The following RGPD8 variants were observed in gnomAD, a reference collection of about 807,000 sequenced individuals.
The protein encoded by RGPD8 is RANBP2-like and GRIP domain-containing protein 8.
Under a neutral mutation model 89.1 loss-of-function variants are expected in RGPD8, and 15 were observed. That is an observed-to-expected ratio of 0.17 (90% CI 0.11 to 0.26). The LOEUF (loss-of-function observed/expected upper bound fraction) is 0.26. Ranked by LOEUF, RGPD8 falls within the 10% of genes least tolerant of loss-of-function variation. RGPD8 has a pLI of 1.00. For synonymous variants in RGPD8, 62 were observed against 420.9 expected, an observed-to-expected ratio of 0.15 and a Z score of 10.44; for missense variants, 178 against 1,179.6, an observed-to-expected ratio of 0.15 and a Z score of 12.44.
At chr2:112,370,589 T>C (rs1477376667) in intron 22 of RGPD8, among the ~76,000 whole-genome samples, 2 of 135,674 alleles carry the variant, frequency 1.5e-5, no homozygotes, top group Non-Finnish European at 3.2e-5. Flanking sequence ...TCCAGGCTGG[T>C]CTCAAATTCC....
intron 1 of RGPD8, among the ~76,000 whole-genome samples, chr2:112,432,075 A>G (rs893371191): frequency 2.0e-5 from 3 of 152,208 alleles, no homozygotes; most frequent in African/African-American, 4.8e-5. Flanking sequence ...CTATGGATGA[A>G]AAGTGTAAGT....
At chr2:112,424,832 C>G (rs1386342999) in intron 1 of RGPD8, among the ~76,000 whole-genome samples, 3 of 150,290 alleles carry the variant, frequency 2.0e-5, no homozygotes, top group African/African-American at 7.3e-5. Flanking sequence ...TTTCAGAGAC[C>G]AAGGTGGGAG....
At chr2:112,410,903 T>C (rs1281596214) in intron 7 of RGPD8, among the ~76,000 whole-genome samples, 3 of 152,294 alleles carry the variant, frequency 2.0e-5, no homozygotes, top group Non-Finnish European at 4.4e-5. Context: ...CTGACCAACA[T>C]GGAGAAACCT....
At chr2:112,410,898 C>T (rs1442446963) in intron 7 of RGPD8, among the ~76,000 whole-genome samples, 1 of 152,298 alleles carries the variant, frequency 6.6e-6, no homozygotes, top group African/African-American at 2.4e-5. Flanking sequence ...CCAGCCTGAC[C>T]AACATGGAGA....
At chr2:112,430,486 C>A (rs563216090) in intron 1 of RGPD8, among the ~76,000 whole-genome samples, 9 of 152,168 alleles carry the variant, frequency 5.9e-5, no homozygotes, top group Middle Eastern at 6.8e-3. Context: ...GAGAGGTGGT[C>A]ATAATAACCA....
chr2:112,414,463 G>A (rs1268941077), intron 6 of RGPD8, among the ~76,000 whole-genome samples: 1 of 103,542 alleles, frequency 9.7e-6, no homozygotes, highest in Non-Finnish European at 1.9e-5. Flanking sequence ...GGCAACAAGA[G>A]CAAAACTCCG....
intron 7 of RGPD8, among the ~76,000 whole-genome samples, chr2:112,409,026 A>G (rs1402157753): frequency 2.9e-5 from 4 of 138,270 alleles, no homozygotes; most frequent in African/African-American, 1.1e-4. Flanking sequence ...ACCTAGCTGC[A>G]ATGCAGATGC....
chr2:112,382,065 A>G (rs998240877), intron 20 of RGPD8, among the ~76,000 whole-genome samples: 1 of 151,680 alleles, frequency 6.6e-6, no homozygotes, highest in Non-Finnish European at 1.5e-5. Flanking sequence ...TAAAGCAGGC[A>G]GAAAAACCTG....
At chr2:112,409,847 C>T (rs1262700383) in intron 7 of RGPD8, among the ~76,000 whole-genome samples, 1 of 136,262 alleles carries the variant, frequency 7.3e-6, no homozygotes, top group Non-Finnish European at 1.5e-5. Flanking sequence ...CGCAGCAGCT[C>T]ACACCTATAA....
chr2:112,413,186 T>TC (rs1218819745), intron 6 of RGPD8, among the ~76,000 whole-genome samples: 5 of 144,356 alleles, frequency 3.5e-5, no homozygotes, highest in Non-Finnish European at 5.9e-5. Flanking sequence ...AATGGCACGA[T>TC]CTAAGCTCAC....
rs1465046886 is a variant in RGPD8 at position 112,389,282 on chromosome 2, CTTA to C, written c.3660_3662del (p.Asn1220del). 6.3e-6 allele frequency: 10 copies of C among 1,583,156 alleles called. 2 individuals are homozygous for C. Among genetic ancestry groups the C allele is most frequent in the Non-Finnish European group, 8.6e-6 (10 of 1,158,224 alleles). On this transcript the variant is annotated inframe_deletion, in exon 20 of 23. Transcript: ENST00000302558. ...CACCGGCCACACCTGTACCTGAACC[CTTA>C]TTTTCTTCCTCAGTGACTTTTGTTT... is the stretch of plus-strand genomic sequence containing the variant.
At chr2:112,432,524 GC>G (rs1372228301) in intron 1 of RGPD8, 3 of 985,222 alleles carry the variant, frequency 3.0e-6, no homozygotes. Context: ...ACGCTGAGAT[GC>G]CTACCTTGTC....
rs932727985 is a variant in RGPD8 at position 112,393,918 on chromosome 2, GT to G, written c.2602+699del. Among the ~76,000 whole-genome samples the G allele has an allele frequency of 5.1e-5, 4 of 79,006 alleles. 1 individual carries two copies. Among genetic ancestry groups the G allele is most frequent in the Non-Finnish European group, 8.8e-5 (4 of 45,590 alleles). The allele number at this position is 79,006 out of a possible 152,430, so 51.8% of individuals were successfully genotyped here. A position where few individuals can be genotyped will look rare whatever the true frequency, so the allele number is the denominator to read the frequency against. On this transcript the variant is annotated intron_variant, in intron 18 of 22. Coordinates refer to ENST00000302558, the MANE Select transcript of RGPD8 (RefSeq NM_001164463.1). ...ATGGTGCCGGCCATTCTAAGTTACT[GT>G]AATTAAATCAAATTACATTCACACA...
Position 112,415,165 on chromosome 2 carries a change from C to T in RGPD8, c.782+2028G>A, listed in dbSNP as rs563095403. 3.5e-3 allele frequency among the ~76,000 whole-genome samples: 527 copies of T among 151,526 alleles called. 1 individual carries two copies. Among genetic ancestry groups the T allele is most frequent in the African/African-American group, 0.012 (474 of 40,896 alleles). ...TCGGGAGGCCGAGGAGGGCAGATCA[C>T]GAGGTCAGGAGATCGAGACCATCCT... On this transcript the variant is annotated intron_variant, in intron 6 of 22. Coordinates refer to ENST00000302558, the MANE Select transcript of RGPD8 (RefSeq NM_001164463.1).
At chr2:112,415,712 CAA>C (rs1228042690) in intron 6 of RGPD8, among the ~76,000 whole-genome samples, 13,664 of 91,246 alleles carry the variant, frequency 0.15, 708 homozygotes, top group Non-Finnish European at 0.17. Context: ...GACTCTGTCT[CAA>C]AAAAAAAAAA....
At chr2:112,370,359 G>GGGGGTTTTTT (rs1249646916) in intron 22 of RGPD8, 147 bp from the exon 23 acceptor site, 1 of 100,750 alleles carries the variant, frequency 9.9e-6, no homozygotes, top group African/African-American at 7.1e-5. Context: ...GGGGGGGGGG[G>GGGGGTTTTTT]TTCTTTTTTT....
chr2:112,413,032 T>A (rs1189002239), intron 6 of RGPD8, among the ~76,000 whole-genome samples: 1 of 106,252 alleles, frequency 9.4e-6, no homozygotes. Flanking sequence ...CATTTCCAAA[T>A]TATAAGTAAA....
intron 1 of RGPD8, among the ~76,000 whole-genome samples, chr2:112,431,155 G>A (rs897690663): frequency 2.6e-5 from 4 of 152,188 alleles, no homozygotes; most frequent in South Asian, 2.1e-4. Context: ...CTACTCGGGA[G>A]ACTGAGGTGG....
chr2:112,417,075 A>G (rs1172424864), intron 6 of RGPD8, 118 bp downstream of exon 6: 1 of 1,600,356 alleles, frequency 6.2e-7, no homozygotes, highest in African/African-American at 1.4e-5. Context: ...TGTATTAACT[A>G]TAACTCCTAG....
Sources: allele counts gnomAD v4.1 joint callset (sites outside exome capture counted in the v4.1 genomes callset), GRCh38; gene constraint gnomAD v4.1.1; transcripts MANE v1.5; gene names NCBI Gene and HGNC (gene_info 2026-07-23, HGNC 2026-07-21).